Variants in KHDRBS2 observed in about 807,000 individuals in gnomAD.
KHDRBS2 encodes KH RNA binding domain containing, signal transduction associated 2, also known as KH domain-containing, RNA-binding, signal transduction-associated protein 2.
Under a neutral mutation model 44.3 loss-of-function variants are expected in KHDRBS2, and 26 were observed. That is an observed-to-expected ratio of 0.59 (90% CI 0.43 to 0.81). KHDRBS2 has a LOEUF of 0.81. KHDRBS2 is among the 40% of genes least tolerant of loss of function. KHDRBS2 has a pLI of 0.00. For missense variants in KHDRBS2, 476 were observed against 433.1 expected (o/e 1.10, Z -0.88); for synonymous variants, 194 against 151.1 (o/e 1.28, Z -2.08).
intron 4 of KHDRBS2, among the ~76,000 whole-genome samples, chr6:61,902,313 G>A (rs1400776734): frequency 3.9e-5 from 6 of 152,162 alleles, no homozygotes; most frequent in Non-Finnish European, 7.3e-5. Context: ...AAGGGAAAGT[G>A]AGAGCCAGAG....
At chr6:62,171,871 C>A (rs1400552224) in intron 2 of KHDRBS2, among the ~76,000 whole-genome samples, 1 of 151,606 alleles carries the variant, frequency 6.6e-6, no homozygotes, top group Non-Finnish European at 1.5e-5. Context: ...TTGAGACAAG[C>A]AAATGCTAAG....
intron 2 of KHDRBS2, among the ~76,000 whole-genome samples, chr6:62,143,265 T>C (rs550485406): frequency 1.3e-5 from 2 of 152,092 alleles, no homozygotes; most frequent in African/African-American, 4.8e-5. Flanking sequence ...AACTCATCTA[T>C]ACACCTCCCA....
intron 2 of KHDRBS2, among the ~76,000 whole-genome samples, chr6:62,133,831 G>A (rs533385170): frequency 7.9e-4 from 121 of 152,284 alleles, no homozygotes; most frequent in African/African-American, 2.8e-3. Flanking sequence ...GAGACTGGCA[G>A]CATTTTGCCT....
intron 4 of KHDRBS2, among the ~76,000 whole-genome samples, chr6:61,919,203 T>C (rs1173271253): frequency 6.6e-6 from 1 of 151,926 alleles, no homozygotes; most frequent in Non-Finnish European, 1.5e-5. Context: ...AAGGATTAGA[T>C]GAATAGATAT....
In KHDRBS2 at chr6:61,723,806, A is replaced by C. The variant is rs369057787; in HGVS notation, c.893+8876T>G. On this transcript the variant is annotated intron_variant, in intron 7 of 8. Transcript: ENST00000281156. ...TGAAAAAGAATGAACAATACCTCTGATTAATATGGGATTATTTAAAGAGAG... is the reference window on the plus strand; with the variant it reads ...TGAAAAAGAATGAACAATACCTCTGCTTAATATGGGATTATTTAAAGAGAG... Among the ~76,000 whole-genome samples, 58 of 152,316 alleles carry C rather than the reference A, an allele frequency of 3.8e-4. 1 individual carries two copies. In the East Asian group the frequency reaches 8.3e-3, roughly 22 times the overall value.
chr6:62,250,428 A>T (rs1387959739), intron 1 of KHDRBS2, among the ~76,000 whole-genome samples: 2 of 152,066 alleles, frequency 1.3e-5, no homozygotes, highest in Non-Finnish European at 2.9e-5. Flanking sequence ...GTGAACTTCT[A>T]TGAGGAATTC....
At chr6:61,975,642 A>G (rs1423470537) in intron 4 of KHDRBS2, among the ~76,000 whole-genome samples, 1 of 126,038 alleles carries the variant, frequency 7.9e-6, no homozygotes, top group Non-Finnish European at 1.7e-5. Context: ...GAAATCAAAG[A>G]TAAGCAAGAT....
At chr6:61,983,236 CTTTTTT>C (rs1173961055) in intron 3 of KHDRBS2, among the ~76,000 whole-genome samples, 3 of 118,510 alleles carry the variant, frequency 2.5e-5, no homozygotes, top group African/African-American at 9.3e-5. Flanking sequence ...TTCTTTCTTT[CTTTTTT>C]TTTTTTTTTT....
chr6:61,678,597 A>G (rs1006291432), downstream of KHDRBS2, among the ~76,000 whole-genome samples: 8 of 151,954 alleles, frequency 5.3e-5, no homozygotes, highest in African/African-American at 1.9e-4. Context: ...GGAGAGGTAG[A>G]ATATAGTAGT....
At chr6:61,624,466 G>A in the KHDRBS2 span, among the ~76,000 whole-genome samples, 2,055 of 152,276 alleles carry the variant, frequency 0.013, 47 homozygotes, top group African/African-American at 0.048. Flanking sequence ...CTTTTATTAC[G>A]AGTAGGGGTA....
chr6:61,947,214 G>A (rs538758926), intron 4 of KHDRBS2, among the ~76,000 whole-genome samples: 2 of 152,246 alleles, frequency 1.3e-5, no homozygotes, highest in African/African-American at 4.8e-5. Context: ...CAAAATGGAG[G>A]TTCGTGCTCA....
chr6:61,900,573 C>A (rs961930359), intron 5 of KHDRBS2, among the ~76,000 whole-genome samples: 6 of 152,110 alleles, frequency 3.9e-5, no homozygotes, highest in African/African-American at 1.4e-4. Flanking sequence ...ATAGCAATTT[C>A]TTTGCAAAGT....
intron 4 of KHDRBS2, among the ~76,000 whole-genome samples, chr6:61,929,798 T>C (rs190360414): frequency 5.3e-5 from 8 of 152,282 alleles, no homozygotes; most frequent in Admixed American, 5.2e-4. Context: ...CCTACAGATA[T>C]ATATTATATT....
intron 1 of KHDRBS2, among the ~76,000 whole-genome samples, chr6:62,229,405 C>G (rs1832508117): frequency 6.6e-6 from 1 of 152,172 alleles, no homozygotes; most frequent in African/African-American, 2.4e-5. Context: ...GAGATGGCTG[C>G]TGCCCTTCCC....
intron 6 of KHDRBS2, among the ~76,000 whole-genome samples, chr6:61,842,471 T>C (rs954401669): frequency 1.3e-5 from 2 of 152,178 alleles, no homozygotes; most frequent in African/African-American, 4.8e-5. Context: ...GAATGCTTCC[T>C]GGGGCTGACC....
At chr6:61,828,757 A>C (rs1052783627) in intron 6 of KHDRBS2, among the ~76,000 whole-genome samples, 4 of 152,178 alleles carry the variant, frequency 2.6e-5, no homozygotes, top group African/African-American at 9.7e-5. Flanking sequence ...AAGATTTTAC[A>C]CTGACCATCA....
chr6:61,675,165 G>A (rs1241051981), downstream of KHDRBS2, among the ~76,000 whole-genome samples: 2 of 151,586 alleles, frequency 1.3e-5, no homozygotes, highest in African/African-American at 4.8e-5. Flanking sequence ...TTACTCATTA[G>A]TCAAACTTAA....
chr6:62,197,910 A>C (rs1472638311), intron 1 of KHDRBS2, among the ~76,000 whole-genome samples: 1 of 152,156 alleles, frequency 6.6e-6, no homozygotes, highest in East Asian at 1.9e-4. Flanking sequence ...GTGCAATCAA[A>C]CTACAACTCA....
chr6:61,932,528 C>T (rs1469175924), intron 4 of KHDRBS2, among the ~76,000 whole-genome samples: 2 of 152,074 alleles, frequency 1.3e-5, no homozygotes, highest in African/African-American at 2.4e-5. Flanking sequence ...AGGCCGGGCA[C>T]GGTGCCTCAC....
Sources: gnomAD v4.1 joint callset for allele counts (sites outside exome capture counted in the v4.1 genomes callset) on GRCh38, gnomAD v4.1.1 for gene constraint, MANE v1.5 for transcripts, NCBI Gene and HGNC (gene_info 2026-07-23, HGNC 2026-07-21) for gene names.